ZNF316: variants seen among roughly 807,000 people sequenced by gnomAD.
The protein encoded by ZNF316 is zinc finger protein 316.
ZNF316 carries 23 observed loss-of-function variants against 75.6 expected under a neutral mutation model. That is an observed-to-expected ratio of 0.30 (90% CI 0.22 to 0.43). ZNF316 has a LOEUF of 0.43. ZNF316 is among the 20% of genes least tolerant of loss of function. The pLI, the probability that ZNF316 is intolerant of heterozygous loss-of-function variation, is 1.00. For synonymous variants in ZNF316, 827 were observed against 666.2 expected (o/e 1.24, Z -3.72); for missense variants, 1,266 against 1,409.4 (o/e 0.90, Z 1.63).
chr7:6,637,866 C>G lies in ZNF316; in HGVS notation c.-410C>G, dbSNP rs1779244023. On this transcript the variant is annotated 5_prime_UTR_variant, in exon 2 of 9. Coordinates refer to ENST00000382252, the MANE Select transcript of ZNF316 (RefSeq NM_001278559.2). The surrounding 1 kb of genome is among the most constrained non-coding windows in gnomAD (Gnocchi z 6.2). ...TCTAGGTCTCTGCAGGAGGAGGCGG[C>G]TCCGGACGCCCCCTGGGGGGCGGGA... is the stretch of plus-strand genomic sequence containing the variant. 1 of 152,218 alleles carries G rather than the reference C, an allele frequency of 6.6e-6. No individual in the cohort carries two copies. Among genetic ancestry groups the G allele is most frequent in the Admixed American group, 6.5e-5 (1 of 15,288 alleles). 9.4% of individuals were successfully genotyped at this position (152,218 alleles called of 1,614,324 possible). A position where few individuals can be genotyped will look rare whatever the true frequency, so the allele number is the denominator to read the frequency against.
intron 8 of ZNF316, among the ~76,000 whole-genome samples, chr7:6,645,001 A>G (rs1246419981): frequency 6.6e-6 from 1 of 152,102 alleles, no homozygotes; most frequent in Admixed American, 6.5e-5. Context: ...GGCTCCCCCC[A>G]GCTCCCTTGC....
Position 6,653,239 on chromosome 7 carries a change from A to C in ZNF316, c.1643A>C (p.Glu548Ala). ...EGSEVGEADGEAEAAAEEREE... is the reference protein window; with the variant it reads ...EGSEVGEADGAAEAAAEEREE... ...TCTGAAGTTGGCGAGGCGGACGGAG[A>C]GGCGGAGGCCGCGGCCGAGGAGAGA... The change falls in exon 9 of 9, where the codon GAG becomes GCG. Residue 548 changes from glutamate (E) to alanine (A), a missense_variant. Glu to Ala is a moderately radical substitution (Grantham distance 107). Coordinates refer to ENST00000382252, the MANE Select transcript of ZNF316 (RefSeq NM_001278559.2). The C allele has an allele frequency of 8.2e-7, 1 of 1,225,816 alleles. No homozygotes were observed. The highest frequency in any genetic ancestry group is 1.0e-6 in the Non-Finnish European group (1 of 984,594). The allele number at this position is 1,225,816 out of a possible 1,614,324, so 75.9% of individuals were successfully genotyped here. A position where few individuals can be genotyped will look rare whatever the true frequency, so the allele number is the denominator to read the frequency against.
intron 3 of ZNF316, among the ~76,000 whole-genome samples, chr7:6,641,530 A>G (rs974628025): frequency 1.3e-5 from 2 of 152,118 alleles, no homozygotes; most frequent in Non-Finnish European, 2.9e-5. Flanking sequence ...TGCTGTGTCC[A>G]TGGCCCTGGA....
Position 6,642,429 on chromosome 7 carries a change from C to T in ZNF316, c.20C>T (p.Thr7Ile). 6.5e-6 allele frequency: 8 copies of T among 1,232,168 alleles called. 1 individual carries two copies. In the East Asian group the frequency reaches 1.3e-4, roughly 19 times the overall value. The allele number at this position is 1,232,168 out of a possible 1,614,324, so 76.3% of individuals were successfully genotyped here. ...GGGAGGATGGCGGCGCTCCACACGA[C>T]TCCCGACTCCCCAGCTGCCCAGCTG... MAALHT[T>I]PDSPAAQLER... The change falls in exon 5 of 9, where the codon ACT becomes ATT. Residue 7 changes from threonine (T) to isoleucine (I), a missense_variant. Physicochemically the swap from Thr to Ile is moderately conservative, Grantham distance 89 (BLOSUM62 -1). This residue lies in a region of ZNF316 where 961 missense variants were observed against 990.9 expected (regional missense o/e 0.97). Coordinates refer to ENST00000382252, the MANE Select transcript of ZNF316 (RefSeq NM_001278559.2). The surrounding 1 kb of genome is among the most constrained non-coding windows in gnomAD (Gnocchi z 8.1).
At chr7:6,644,826 C>T (rs1008232105) in intron 8 of ZNF316, among the ~76,000 whole-genome samples, 1 of 152,218 alleles carries the variant, frequency 6.6e-6, no homozygotes. Flanking sequence ...CCCTGCCCTG[C>T]GTTGGAGCCT....
rs917272044 is a variant in ZNF316 at position 6,640,784 on chromosome 7, G to T, written c.-166-1041G>T. 6.6e-6 allele frequency among the ~76,000 whole-genome samples: 1 copy of T among 152,148 alleles called. No homozygotes were observed. Among genetic ancestry groups the T allele is most frequent in the African/African-American group, 2.4e-5 (1 of 41,454 alleles). ...GATCCCTCATGAATGGTCTAGCACC[G>T]TCCCCTTGGTGATAAGGGAGTTCTC... On this transcript the variant is annotated intron_variant, in intron 3 of 8. Coordinates refer to ENST00000382252, the MANE Select transcript of ZNF316 (RefSeq NM_001278559.2). This position sits in a 1 kb window ranked among gnomAD's most constrained non-coding sequence, Gnocchi z 5.1.
chr7:6,652,928 G>A lies in ZNF316; in HGVS notation c.1332G>A (p.Leu444=), dbSNP rs1045392715. The A allele has an allele frequency of 2.4e-6, 3 of 1,243,958 alleles. No homozygotes were observed. Among genetic ancestry groups the A allele is most frequent in the Non-Finnish European group, 3.0e-6 (3 of 993,638 alleles). The allele number at this position is 1,243,958 out of a possible 1,614,324, so 77.1% of individuals were successfully genotyped here. ...CGAGFGRRSY[L]VTHQRTHTGE... is the part of the protein sequence containing the mutation. The stretch of plus-strand genomic sequence containing the variant: ...CGGGCTTCGGGCGCCGCTCCTACCT[G>A]GTCACGCACCAGCGCACGCACACCG... The change falls in exon 9 of 9, where the codon CTG becomes CTA. Residue 444 remains leucine, a synonymous_variant. Transcript: ENST00000382252.
rs969886585 is a variant in ZNF316, at chr7:6,652,562, G to C, written c.966G>C (p.Pro322=). Residue 322 remains proline, a synonymous_variant, in exon 9 of 9, where the codon CCG becomes CCC. Coordinates refer to ENST00000382252, the MANE Select transcript of ZNF316 (RefSeq NM_001278559.2). Reference sequence around the variant, plus strand: ...AGCCTTTCCTGCCCGGCCGGGAGCCGGGTGCGAACCTGCTGTCGCCCTGGG... The same window carrying C: ...AGCCTTTCCTGCCCGGCCGGGAGCCCGGTGCGAACCTGCTGTCGCCCTGGG... ...EAKPFLPGRE[P]GANLLSPWAF... 7 of 1,230,986 alleles carry C rather than the reference G, an allele frequency of 5.7e-6. No individual in the cohort carries two copies. Among genetic ancestry groups the C allele is most frequent in the Non-Finnish European group, 6.1e-6 (6 of 987,398 alleles). The allele number at this position is 1,230,986 out of a possible 1,614,324, so 76.3% of individuals were successfully genotyped here.
intron 8 of ZNF316, 78 bp downstream of exon 8, chr7:6,644,671 C>A: frequency 1.4e-6 from 1 of 727,584 alleles, no homozygotes; most frequent in Non-Finnish European, 1.9e-6. Context: ...TCACTGCGCT[C>A]TCTGCAGACC....
chr7:6,650,629 C>T (rs539095931), intron 8 of ZNF316, among the ~76,000 whole-genome samples: 9 of 152,248 alleles, frequency 5.9e-5, no homozygotes, highest in East Asian at 1.9e-4. Flanking sequence ...TCCTGGGCTC[C>T]GACTTTCCCT....
Position 6,654,164 on chromosome 7 carries a change from G to C in ZNF316, c.2568G>C (p.Glu856Asp). 1.6e-6 allele frequency: 2 copies of C among 1,223,060 alleles called. No individual in the cohort carries two copies. Among genetic ancestry groups the C allele is most frequent in the Non-Finnish European group, 2.0e-6 (2 of 981,466 alleles). 75.8% of individuals were successfully genotyped at this position (1,223,060 alleles called of 1,614,324 possible). A position where few individuals can be genotyped will look rare whatever the true frequency, so the allele number is the denominator to read the frequency against. Residue 856 changes from glutamate to aspartate, a missense_variant, in exon 9 of 9, where the codon GAG becomes GAC. Glu to Asp is a conservative substitution (Grantham distance 45). This residue lies in a region of ZNF316 where 194 missense variants were observed against 319.2 expected (regional missense o/e 0.61). Coordinates refer to ENST00000382252, the MANE Select transcript of ZNF316 (RefSeq NM_001278559.2). ...GGCATCGGCGCACGCACACGGGCGA[G>C]AAGCCCTTCCGCTGCGCCGACTGCG... ...FKRHRRTHTGEKPFRCADCGR... is the reference protein window; with the variant it reads ...FKRHRRTHTGDKPFRCADCGR...
Position 6,652,922 on chromosome 7 carries a change from C to G in ZNF316, c.1326C>G (p.Ser442=), listed in dbSNP as rs1244946373. The change falls in exon 9 of 9, where the codon TCC becomes TCG. Residue 442 remains serine, a synonymous_variant. Coordinates refer to ENST00000382252, the MANE Select transcript of ZNF316 (RefSeq NM_001278559.2). ...GCGGCGCGGGCTTCGGGCGCCGCTC[C>G]TACCTGGTCACGCACCAGCGCACGC... The part of the protein sequence containing the change: ...AFCGAGFGRR[S]YLVTHQRTHT... 10 of 1,240,442 alleles carry G rather than the reference C, an allele frequency of 8.1e-6. No individual in the cohort carries two copies. Among genetic ancestry groups the G allele is most frequent in the Non-Finnish European group, 1.0e-5 (10 of 992,142 alleles). 76.8% of individuals were successfully genotyped at this position (1,240,442 alleles called of 1,614,324 possible). A position where few individuals can be genotyped will look rare whatever the true frequency, so the allele number is the denominator to read the frequency against.
chr7:6,646,342 G>A (rs936236108), intron 8 of ZNF316, among the ~76,000 whole-genome samples: 6 of 152,198 alleles, frequency 3.9e-5, no homozygotes, highest in African/African-American at 7.2e-5. Flanking sequence ...TGTGGATGAC[G>A]CTCTCAGGAA....
intron 2 of ZNF316, 38 bp downstream of exon 2, chr7:6,638,047 C>T (rs1779248221): frequency 6.6e-6 from 1 of 152,442 alleles, no homozygotes. Context: ...TGGATGGGGT[C>T]TGGGCTGTCC....
intron 8 of ZNF316, among the ~76,000 whole-genome samples, chr7:6,651,475 C>T (rs372520606): frequency 5.3e-5 from 8 of 152,024 alleles, no homozygotes; most frequent in South Asian, 2.1e-4. Flanking sequence ...GCCAACATGG[C>T]GAAACTCCAT....
chr7:6,640,326 G>A lies in ZNF316; in HGVS notation c.-167+1185G>A, dbSNP rs1057024877. ...CATGGTTCTGCAGGCTGTACAGGAA[G>A]CATGGTGCTGGCATCTGCCTGGCTT... On this transcript the variant is annotated intron_variant, in intron 3 of 8. Transcript: ENST00000382252. The surrounding 1 kb of genome is among the most constrained non-coding windows in gnomAD (Gnocchi z 5.1). 1.3e-5 allele frequency among the ~76,000 whole-genome samples: 2 copies of A among 152,174 alleles called. No homozygotes were observed. Among genetic ancestry groups the A allele is most frequent in the African/African-American group, 2.4e-5 (1 of 41,438 alleles).
chr7:6,648,122 A>C (rs2115315151), intron 8 of ZNF316, among the ~76,000 whole-genome samples: 1 of 152,248 alleles, frequency 6.6e-6, no homozygotes, highest in East Asian at 1.9e-4. Flanking sequence ...GATGCCGACG[A>C]GCACCCTCCC....
Position 6,637,424 on chromosome 7 carries a change from G to A in ZNF316, c.-454G>A, listed in dbSNP as rs1022669598. Reference sequence around the variant, plus strand: ...GCCCCGGCCCCGGTGTCCGGCCCGTGGCTCGGCCAGCCCGGCCCGCGCGGT... The same window carrying A: ...GCCCCGGCCCCGGTGTCCGGCCCGTAGCTCGGCCAGCCCGGCCCGCGCGGT... On this transcript the variant is annotated 5_prime_UTR_variant, in exon 1 of 9. Coordinates refer to ENST00000382252, the MANE Select transcript of ZNF316 (RefSeq NM_001278559.2). The surrounding 1 kb of genome is among the most constrained non-coding windows in gnomAD (Gnocchi z 6.2). The A allele has an allele frequency of 6.8e-6, 1 of 146,682 alleles. No homozygotes were observed. The highest frequency in any genetic ancestry group is 2.5e-5 in the African/African-American group (1 of 40,804). The allele number at this position is 146,682 out of a possible 1,614,324, so 9.1% of individuals were successfully genotyped here.
chr7:6,652,860 A>G lies in ZNF316; in HGVS notation c.1264A>G (p.Ile422Val). 3 of 1,245,054 alleles carry G rather than the reference A, an allele frequency of 2.4e-6. No individual in the cohort carries two copies. The highest frequency in any genetic ancestry group is 3.0e-6 in the Non-Finnish European group (3 of 994,222). The allele number at this position is 1,245,054 out of a possible 1,614,324, so 77.1% of individuals were successfully genotyped here. The change falls in exon 9 of 9, where the codon ATC becomes GTC. Residue 422 changes from isoleucine to valine, a missense_variant. Ile to Val is a conservative substitution (Grantham distance 29). Around this residue, in one of 3 missense-constraint regions of ZNF316, gnomAD observed 961 missense variants for 990.9 expected, o/e 0.97. Transcript: ENST00000382252. ...YKSHLVTHRR[I>V]HTGERPYRCA... ...GTCGCACCTGGTTACGCACCGACGC[A>G]TCCATACTGGCGAGCGGCCCTACCG... is the stretch of plus-strand genomic sequence containing the variant.
Sources: allele counts gnomAD v4.1 joint callset (sites outside exome capture counted in the v4.1 genomes callset), GRCh38; gene constraint gnomAD v4.1.1; regional missense constraint gnomAD v4.1.1; non-coding constraint Gnocchi (gnomAD v3.1); transcripts MANE v1.5; gene names NCBI Gene and HGNC (gene_info 2026-07-23, HGNC 2026-07-21).